PAPPA2: variants seen among roughly 807,000 people sequenced by gnomAD.
PAPPA2 encodes the protein pappalysin 2, also known as pappalysin-2.
Under a neutral mutation model 176.4 loss-of-function variants are expected in PAPPA2, and 86 were observed. The ratio of observed to expected loss-of-function variants is 0.49; its 90% CI spans 0.41 to 0.58. The LOEUF (loss-of-function observed/expected upper bound fraction) is 0.58. Among genes scored for constraint, PAPPA2 ranks in the 20% least tolerant of loss-of-function variants. The pLI, the probability that PAPPA2 is intolerant of heterozygous loss-of-function variation, is 0.00. For synonymous variants in PAPPA2, 809 were observed against 852.2 expected (o/e 0.95, Z 0.88); for missense variants, 2,073 against 2,256.9 (o/e 0.92, Z 1.65).
At chr1:176,677,243 G>A (rs1659348912) in intron 4 of PAPPA2, among the ~76,000 whole-genome samples, 1 of 152,128 alleles carries the variant, frequency 6.6e-6, no homozygotes, top group Non-Finnish European at 1.5e-5. Context: ...TGAGACTCAA[G>A]ATGAAATTAT....
intron 3 of PAPPA2, among the ~76,000 whole-genome samples, chr1:176,634,232 G>T (rs1401044431): frequency 6.6e-6 from 1 of 152,162 alleles, no homozygotes; most frequent in Admixed American, 6.5e-5. Flanking sequence ...AGAAAATGTG[G>T]CACTTATACA....
Position 176,657,849 on chromosome 1 carries a change from G to A in PAPPA2, c.1992-13121G>A, listed in dbSNP as rs539388800. On this transcript the variant is annotated intron_variant, in intron 3 of 22. Coordinates refer to ENST00000367662, the MANE Select transcript of PAPPA2 (RefSeq NM_020318.3). ...AAGCTATGGGGGTAAATAAGGCATT[G>A]CATGGCTAACATCCTAATAGGGGAT... is the stretch of plus-strand genomic sequence containing the variant. Among the ~76,000 whole-genome samples the A allele has an allele frequency of 1.3e-4, 20 of 152,018 alleles. 1 individual carries two copies. In the South Asian group the frequency reaches 3.9e-3, roughly 30 times the overall value.
intron 2 of PAPPA2, among the ~76,000 whole-genome samples, chr1:176,571,989 C>T (rs10753130): frequency 0.16 from 24,651 of 152,052 alleles, 2,099 homozygotes; most frequent in Middle Eastern, 0.23. Context: ...ATGAAGATTC[C>T]GGGCACGGAC....
intron 1 of PAPPA2, among the ~76,000 whole-genome samples, chr1:176,554,259 C>T (rs1433249414): frequency 1.3e-5 from 2 of 152,118 alleles, no homozygotes; most frequent in African/African-American, 2.4e-5. Flanking sequence ...CGATCTTACT[C>T]CAGAGTATGT....
intron 2 of PAPPA2, among the ~76,000 whole-genome samples, chr1:176,571,647 C>A (rs549189056): frequency 6.6e-6 from 1 of 152,188 alleles, no homozygotes; most frequent in Non-Finnish European, 1.5e-5. Flanking sequence ...CTAGTCCGTG[C>A]AAACTCTCCT....
At position 176,595,454 on chromosome 1, in the gene PAPPA2, G is replaced by T; in HGVS notation, c.1850G>T (p.Arg617Leu). 6.2e-7 allele frequency: 1 copy of T among 1,614,198 alleles called. No individual in the cohort carries two copies. Among genetic ancestry groups the T allele is most frequent in the Non-Finnish European group, 8.5e-7 (1 of 1,180,034 alleles). ...GGGGGTGACTGCCGCCTGCAGGGCC[G>T]CTGCTACTCCTGGAACCGCAGGGAT... The part of the protein sequence containing the change: ...YDGGDCRLQG[R>L]CYSWNRRDGL... The change falls in exon 3 of 23, where the codon CGC (arginine) becomes CTC (leucine). Residue 617 changes from arginine to leucine, a missense_variant. By Grantham distance (102) the Arg-to-Leu change is moderately radical. Transcript: ENST00000367662.
chr1:176,519,213 T>G (rs1409124234), intron 1 of PAPPA2, among the ~76,000 whole-genome samples: 1 of 152,162 alleles, frequency 6.6e-6, no homozygotes, highest in Non-Finnish European at 1.5e-5. Context: ...ATCAGCCAAC[T>G]CTTCTCACAA....
chr1:176,634,481 C>G (rs1414063458), intron 3 of PAPPA2, among the ~76,000 whole-genome samples: 1 of 151,938 alleles, frequency 6.6e-6, no homozygotes, highest in South Asian at 2.1e-4. Context: ...AGGAGATATA[C>G]CTAATGTAAA....
intron 3 of PAPPA2, among the ~76,000 whole-genome samples, chr1:176,633,689 T>C (rs1023961829): frequency 3.3e-5 from 5 of 151,998 alleles, no homozygotes; most frequent in African/African-American, 9.7e-5. Context: ...ATTTTTGCAA[T>C]CTACTCATCT....
At chr1:176,825,456 T>C (rs1666821251) in intron 21 of PAPPA2, among the ~76,000 whole-genome samples, 1 of 152,214 alleles carries the variant, frequency 6.6e-6, no homozygotes, top group African/African-American at 2.4e-5. Flanking sequence ...AGATACATAT[T>C]AGTCCTTGAC....
At chr1:176,693,518 G>A (rs1327777209) in intron 6 of PAPPA2, among the ~76,000 whole-genome samples, 1 of 152,334 alleles carries the variant, frequency 6.6e-6, no homozygotes, top group Non-Finnish European at 1.5e-5. Context: ...GAAGGGTGTC[G>A]CTGGAGCAAG....
chr1:176,465,346 A>T (rs960356854), intron 1 of PAPPA2, among the ~76,000 whole-genome samples: 1 of 152,212 alleles, frequency 6.6e-6, no homozygotes, highest in Non-Finnish European at 1.5e-5. Flanking sequence ...GCAACAACTT[A>T]TACTCTCACC....
chr1:176,679,059 A>G (rs1275117971), intron 4 of PAPPA2, among the ~76,000 whole-genome samples: 3 of 152,026 alleles, frequency 2.0e-5, no homozygotes, highest in Non-Finnish European at 2.9e-5. Context: ...ATTTATATAT[A>G]TGGAACAGGA....
chr1:176,784,224 T>C (rs1571322595), intron 17 of PAPPA2, among the ~76,000 whole-genome samples: 1 of 152,244 alleles, frequency 6.6e-6, no homozygotes, highest in South Asian at 2.1e-4. Context: ...GTTTGTCTAG[T>C]ATCCAATGCT....
At chr1:176,587,913 A>T (rs1206802230) in intron 2 of PAPPA2, among the ~76,000 whole-genome samples, 1 of 152,264 alleles carries the variant, frequency 6.6e-6, no homozygotes, top group East Asian at 1.9e-4. Context: ...TTAAAAAAAG[A>T]AATTTAAAAT....
chr1:176,745,070 A>G (rs1662846022), intron 14 of PAPPA2, among the ~76,000 whole-genome samples: 1 of 152,118 alleles, frequency 6.6e-6, no homozygotes, highest in African/African-American at 2.4e-5. Context: ...CAGGTGTGCT[A>G]GTTATCAGTC....
At chr1:176,774,923 T>C (rs1330619624) in intron 17 of PAPPA2, among the ~76,000 whole-genome samples, 1 of 152,204 alleles carries the variant, frequency 6.6e-6, no homozygotes, top group Non-Finnish European at 1.5e-5. Context: ...GGACTTCTTT[T>C]ATATCTTCGT....
intron 1 of PAPPA2, among the ~76,000 whole-genome samples, chr1:176,528,793 A>G (rs1177169957): frequency 6.6e-6 from 1 of 152,128 alleles, no homozygotes; most frequent in African/African-American, 2.4e-5. Flanking sequence ...TTCTCCAAGC[A>G]AGGCTACTTC....
intron 1 of PAPPA2, among the ~76,000 whole-genome samples, chr1:176,510,696 T>C (rs917204913): frequency 1.3e-5 from 2 of 151,700 alleles, no homozygotes; most frequent in Non-Finnish European, 2.9e-5. Context: ...AAATATATAA[T>C]AGTACAAAGA....
Sources: gnomAD v4.1 joint callset for allele counts (sites outside exome capture counted in the v4.1 genomes callset) on GRCh38, gnomAD v4.1.1 for gene constraint, MANE v1.5 for transcripts, NCBI Gene and HGNC (gene_info 2026-07-23, HGNC 2026-07-21) for gene names.